The following HYDIN variants were observed in gnomAD, a reference collection of about 807,000 sequenced individuals.
HYDIN encodes the protein HYDIN axonemal central pair apparatus protein.
In HYDIN, 132 loss-of-function variants were observed where a neutral mutation model predicts 403.9. That is an observed-to-expected ratio of 0.33 (90% CI 0.28 to 0.38). The LOEUF is 0.38. HYDIN is among the 10% of genes least tolerant of loss of function. HYDIN has a pLI of 1.00. For missense variants in HYDIN, 2,827 were observed against 5,009.5 expected (o/e 0.56, Z 13.15); for synonymous variants, 1,202 against 1,891.7 (o/e 0.64, Z 9.46).
rs1345955485 is a variant in HYDIN at position 70,850,579 on chromosome 16, T to G, written c.12520A>C (p.Lys4174Gln). The change falls in exon 74 of 86, where the codon AAA (lysine) becomes CAA (glutamine). Residue 4174 changes from lysine (K) to glutamine (Q), a missense_variant. Transcript: ENST00000393567. ...NFNLICNVEKKVHPVTLNVKA... is the reference protein window; with the variant it reads ...NFNLICNVEKQVHPVTLNVKA... ...ACATTTAATGTCACAGGGTGGACTTTCTTTTCCACATTGCAGATCAAATTA... is the reference window on the plus strand; with the variant it reads ...ACATTTAATGTCACAGGGTGGACTTGCTTTTCCACATTGCAGATCAAATTA... The G allele has an allele frequency of 6.2e-7, 1 of 1,613,846 alleles. No individual in the cohort carries two copies. The highest frequency in any genetic ancestry group is 1.3e-5 in the African/African-American group (1 of 74,888).
chr16:70,859,675 T>C (rs977766576), intron 71 of HYDIN, among the ~76,000 whole-genome samples: 1 of 152,206 alleles, frequency 6.6e-6, no homozygotes, highest in Admixed American at 6.5e-5. Context: ...CCACTCTACT[T>C]TGCCCTTTGC....
chr16:71,224,080 T>C (rs533019154), intron 1 of HYDIN, among the ~76,000 whole-genome samples: 7 of 152,312 alleles, frequency 4.6e-5, no homozygotes, highest in South Asian at 2.1e-4. Context: ...AAAGAAAATG[T>C]AAAATGTGTA....
At position 71,209,197 on chromosome 16, in the gene HYDIN, C is replaced by G. The variant is rs114418222; in HGVS notation, c.-24+21365G>C. On this transcript the variant is annotated intron_variant, in intron 1 of 85. Coordinates refer to ENST00000393567, the MANE Select transcript of HYDIN (RefSeq NM_001270974.2). ...AGCACATCAAAAAACTAATCCACCA[C>G]CATCTAGTAGGCTTTATCCCCATGA... 6.0e-3 allele frequency among the ~76,000 whole-genome samples: 899 copies of G among 149,880 alleles called. 11 individuals are homozygous for G. The highest frequency in any genetic ancestry group is 0.021 in the African/African-American group (853 of 40,632).
chr16:70,991,149 T>C, intron 25 of HYDIN, 169 bp downstream of exon 25: 1 of 935,122 alleles, frequency 1.1e-6, no homozygotes, highest in Non-Finnish European at 1.6e-6. Flanking sequence ...AGGCTCTCAC[T>C]GAGTGTTGGC....
In HYDIN at chr16:70,939,455, A is replaced by T. The variant is rs111481339; in HGVS notation, c.6854-700T>A. Among the ~76,000 whole-genome samples the T allele has an allele frequency of 5.3e-3, 807 of 152,240 alleles. 3 individuals carry two copies. Among genetic ancestry groups the T allele is most frequent in the African/African-American group, 0.018 (739 of 41,544 alleles). The stretch of plus-strand genomic sequence containing the variant: ...TTAAATTGTGGGCTCTTCTCCCCTA[A>T]ATCATCTGCATTTGAAATGTCCTAA... On this transcript the variant is annotated intron_variant, in intron 43 of 85. Coordinates refer to ENST00000393567, the MANE Select transcript of HYDIN (RefSeq NM_001270974.2).
At chr16:71,113,195 C>T (rs12598017) in intron 10 of HYDIN, among the ~76,000 whole-genome samples, 157 of 145,630 alleles carry the variant, frequency 1.1e-3, no homozygotes, top group Non-Finnish European at 3.0e-4. Context: ...CATACTGGGG[C>T]GTCAAAAGAA....
intron 23 of HYDIN, among the ~76,000 whole-genome samples, chr16:70,992,796 G>A (rs1013666706): frequency 6.6e-6 from 1 of 152,162 alleles, no homozygotes; most frequent in African/African-American, 2.4e-5. Flanking sequence ...CAAGTTCTCT[G>A]AGCAGAGGAA....
intron 5 of HYDIN, among the ~76,000 whole-genome samples, chr16:71,168,263 G>C (rs2086319774): frequency 6.9e-6 from 1 of 145,680 alleles, no homozygotes; most frequent in Non-Finnish European, 1.5e-5. Flanking sequence ...AGGTTGCAGT[G>C]AGCAGAGATC....
chr16:71,178,630 C>T (rs978767161), intron 4 of HYDIN, among the ~76,000 whole-genome samples: 3 of 151,754 alleles, frequency 2.0e-5, no homozygotes, highest in Non-Finnish European at 1.5e-5. Context: ...AAACCTAGCC[C>T]AATTTGTCAT....
intron 18 of HYDIN, among the ~76,000 whole-genome samples, chr16:71,040,230 C>T (rs1044337652): frequency 6.6e-6 from 1 of 151,888 alleles, no homozygotes; most frequent in Non-Finnish European, 1.5e-5. Flanking sequence ...ACCTCATTCG[C>T]TTGCGTGCTC....
At chr16:70,837,629 G>A in intron 77 of HYDIN, 61 bp downstream of exon 77, 1 of 1,597,226 alleles carries the variant, frequency 6.3e-7, no homozygotes, top group African/African-American at 1.3e-5. Flanking sequence ...GGGGGGCAAA[G>A]AAGGATGAGA....
chr16:71,172,517 A>ATT (rs79208260), intron 5 of HYDIN, among the ~76,000 whole-genome samples: 1 of 151,918 alleles, frequency 6.6e-6, no homozygotes, highest in South Asian at 2.1e-4. Context: ...ATATCCAATC[A>ATT]TTTTTTTTAA....
chr16:71,052,198 A>G (rs955758583), intron 18 of HYDIN, among the ~76,000 whole-genome samples: 3 of 152,228 alleles, frequency 2.0e-5, no homozygotes, highest in Non-Finnish European at 4.4e-5. Context: ...GTAAAATAAT[A>G]CATACAAAAG....
At chr16:70,886,778 C>A (rs1352507320) in intron 58 of HYDIN, among the ~76,000 whole-genome samples, 2 of 152,158 alleles carry the variant, frequency 1.3e-5, no homozygotes, top group African/African-American at 4.8e-5. Flanking sequence ...AAGAAATCTG[C>A]TGTCATTCAA....
chr16:70,855,924 A>C (rs1275511008), intron 72 of HYDIN, among the ~76,000 whole-genome samples: 2 of 152,232 alleles, frequency 1.3e-5, no homozygotes, highest in African/African-American at 2.4e-5. Flanking sequence ...TTGCTATTTG[A>C]AATTAAAATT....
intron 75 of HYDIN, among the ~76,000 whole-genome samples, chr16:70,844,618 T>C (rs1567693877): frequency 7.0e-6 from 1 of 142,344 alleles, no homozygotes; most frequent in Non-Finnish European, 1.5e-5. Context: ...GCATTGAATC[T>C]GTAAATTACC....
chr16:70,907,281 G>T (rs2076562569), intron 50 of HYDIN, 91 bp downstream of exon 50: 12 of 498,858 alleles, frequency 2.4e-5, no homozygotes, highest in Non-Finnish European at 3.7e-5. Flanking sequence ...ATTAGTAAAA[G>T]CTACATCTAT....
intron 46 of HYDIN, 49 bp downstream of exon 46, chr16:70,920,542 C>A (rs757296319): frequency 2.1e-6 from 3 of 1,454,260 alleles, no homozygotes; most frequent in East Asian, 4.6e-5. Context: ...CTTAGCACAG[C>A]GCCTGCTGCC....
chr16:71,049,907 G>A (rs1196608645), intron 18 of HYDIN, among the ~76,000 whole-genome samples: 1 of 143,444 alleles, frequency 7.0e-6, no homozygotes, highest in Admixed American at 7.1e-5. Flanking sequence ...ATACTGAAGA[G>A]GCAACAGAGA....
Sources: gnomAD v4.1 joint callset for allele counts (sites outside exome capture counted in the v4.1 genomes callset) on GRCh38, gnomAD v4.1.1 for gene constraint, MANE v1.5 for transcripts, NCBI Gene and HGNC (gene_info 2026-07-23, HGNC 2026-07-21) for gene names.